ERAP1: variants seen among roughly 807,000 people sequenced by gnomAD.
The protein encoded by ERAP1 is endoplasmic reticulum aminopeptidase 1.
In ERAP1, 86 loss-of-function variants were observed where a neutral mutation model predicts 103.7. The observed-to-expected ratio is 0.83, with a 90% CI of 0.70 to 0.99. The LOEUF (loss-of-function observed/expected upper bound fraction) is 0.99. ERAP1 is among the 50% of genes least tolerant of loss of function. The pLI is 0.00. For synonymous variants in ERAP1, 398 were observed against 402.4 expected, an observed-to-expected ratio of 0.99 and a Z score of 0.13; for missense variants, 1,009 against 1,128.4, an observed-to-expected ratio of 0.89 and a Z score of 1.52.
upstream of ERAP1, among the ~76,000 whole-genome samples, chr5:96,809,452 C>A (rs1779015431): frequency 6.6e-6 from 1 of 152,144 alleles, no homozygotes. Flanking sequence ...TCTTTATTGG[C>A]CTTCTTCCCT....
chr5:96,878,098 C>T, the ERAP1 span, among the ~76,000 whole-genome samples: 1 of 151,984 alleles, frequency 6.6e-6, no homozygotes, highest in Non-Finnish European at 1.5e-5. Context: ...TGCTGTTTGT[C>T]CTAATTTTAT....
At chr5:96,930,061 C>T in the ERAP1 span, among the ~76,000 whole-genome samples, 1 of 152,212 alleles carries the variant, frequency 6.6e-6, no homozygotes, top group East Asian at 1.9e-4. Flanking sequence ...AATTCTCATT[C>T]ATGACAGGAT....
At chr5:96,860,072 T>A in the ERAP1 span, among the ~76,000 whole-genome samples, 3 of 152,200 alleles carry the variant, frequency 2.0e-5, no homozygotes, top group African/African-American at 7.2e-5. Context: ...TATTTATTTA[T>A]TTAATTTTTG....
chr5:96,862,291 A>C, the ERAP1 span, among the ~76,000 whole-genome samples: 1 of 152,206 alleles, frequency 6.6e-6, no homozygotes, highest in East Asian at 1.9e-4. Flanking sequence ...GCCCAGTCTA[A>C]ATCAATCTTT....
Position 96,783,856 on chromosome 5 carries a change from TAC to T in ERAP1, c.2100+66_2100+67del, listed in dbSNP as rs1311956389. 11 of 351,746 alleles carry T rather than the reference TAC, an allele frequency of 3.1e-5. 1 individual carries two copies. The highest frequency in any genetic ancestry group is 4.1e-5 in the Non-Finnish European group (11 of 270,136). The allele number at this position is 351,746 out of a possible 1,614,324, so 21.8% of individuals were successfully genotyped here. ...ACACACACACACACACACACACACATACACACACAATGATTAACACTTTTTAA... is the reference window on the plus strand; with the variant it reads ...ACACACACACACACACACACACACATACACACAATGATTAACACTTTTTAA... On this transcript the variant is annotated intron_variant, in intron 14 of 18. Coordinates refer to ENST00000443439, the MANE Select transcript of ERAP1 (RefSeq NM_001040458.3).
chr5:96,807,249 A>G (rs1038921769), intron 1 of ERAP1, among the ~76,000 whole-genome samples: 5 of 152,156 alleles, frequency 3.3e-5, no homozygotes, highest in African/African-American at 1.2e-4. Context: ...AGCGAAGGGG[A>G]GAGAGAGAAT....
chr5:96,841,033 G>A, the ERAP1 span, among the ~76,000 whole-genome samples: 1 of 152,052 alleles, frequency 6.6e-6, no homozygotes, highest in South Asian at 2.1e-4. Context: ...AATGTCCCAG[G>A]TGATTAAAAA....
rs10646647 is a variant in ERAP1, at chr5:96,798,871, C to CTTT, written c.664-1565_664-1563dup. Among the ~76,000 whole-genome samples, 452 of 124,850 alleles carry CTTT rather than the reference C, an allele frequency of 3.6e-3. 31 individuals are homozygous for CTTT. Among genetic ancestry groups the CTTT allele is most frequent in the Middle Eastern group, 8.5e-3 (2 of 234 alleles). The allele number at this position is 124,850 out of a possible 152,430, so 81.9% of individuals were successfully genotyped here. A position where few individuals can be genotyped will look rare whatever the true frequency, so the allele number is the denominator to read the frequency against. On this transcript the variant is annotated intron_variant, in intron 3 of 18. Coordinates refer to ENST00000443439, the MANE Select transcript of ERAP1 (RefSeq NM_001040458.3). ...TCTGCCTACCTACAACAAAAATTTC[C>CTTT]TTTTTTTTTTTTTTGAGATGGAGTC...
intron 10 of ERAP1, among the ~76,000 whole-genome samples, chr5:96,789,675 T>A (rs1776504445): frequency 6.6e-6 from 1 of 152,214 alleles, no homozygotes; most frequent in Admixed American, 6.5e-5. Flanking sequence ...CAAGTCCAGA[T>A]GAACAGAGAC....
chr5:96,771,312 A>G (rs573730597), downstream of ERAP1, among the ~76,000 whole-genome samples: 1 of 152,314 alleles, frequency 6.6e-6, no homozygotes, highest in African/African-American at 2.4e-5. Context: ...CTGGACAGCC[A>G]TGACCCTATG....
rs771283209 is a variant in ERAP1, at chr5:96,781,833, C to G, written c.2307G>C (p.Leu769Phe). The G allele has an allele frequency of 1.2e-5, 20 of 1,613,988 alleles. No individual in the cohort carries two copies. The East Asian group carries it at 3.8e-4, about 31-fold the overall frequency. The change falls in exon 16 of 19, where the codon TTG becomes TTC. Residue 769 changes from leucine to phenylalanine, a missense_variant. Around this residue, in one of 3 missense-constraint regions of ERAP1, gnomAD observed 611 missense variants for 651.7 expected, o/e 0.94. Coordinates refer to ENST00000443439, the MANE Select transcript of ERAP1 (RefSeq NM_001040458.3). The part of the protein sequence containing the change: ...GNLSLPVDVT[L>F]AVFAVGAQST... ...TCTGGGCCCCCACAGCAAACACTGCCAAGGTCACGTCGACAGGCAGGCTAT... is the reference window on the plus strand; with the variant it reads ...TCTGGGCCCCCACAGCAAACACTGCGAAGGTCACGTCGACAGGCAGGCTAT...
Position 96,781,681 on chromosome 5 carries a change from T to C in ERAP1, c.2447+12A>G. 6.2e-7 allele frequency: 1 copy of C among 1,614,052 alleles called. No homozygotes were observed. Among genetic ancestry groups the C allele is most frequent in the Non-Finnish European group, 8.5e-7 (1 of 1,179,986 alleles). ...CCTTGGCCACATGAACATGAATGAA[T>C]GACGGACTCACCATTGAAGCTTTTC... On this transcript the variant is annotated intron_variant, in intron 16 of 18. Transcript: ENST00000443439.
At chr5:96,878,800 T>C in the ERAP1 span, among the ~76,000 whole-genome samples, 2 of 151,984 alleles carry the variant, frequency 1.3e-5, no homozygotes, top group Non-Finnish European at 2.9e-5. Flanking sequence ...TGGTGGCACA[T>C]ACCTGTAATC....
chr5:96,851,932 A>C, the ERAP1 span, among the ~76,000 whole-genome samples: 1 of 152,206 alleles, frequency 6.6e-6, no homozygotes, highest in Non-Finnish European at 1.5e-5. Flanking sequence ...GACAGCACAG[A>C]ATAGACATGG....
chr5:96,823,728 T>A, the ERAP1 span, among the ~76,000 whole-genome samples: 1 of 152,238 alleles, frequency 6.6e-6, no homozygotes, highest in Non-Finnish European at 1.5e-5. Context: ...TTCACAGTTT[T>A]ATGGATAGAA....
chr5:96,921,602 A>G, the ERAP1 span, among the ~76,000 whole-genome samples: 1 of 152,176 alleles, frequency 6.6e-6, no homozygotes, highest in East Asian at 1.9e-4. Context: ...CCCAACCATA[A>G]ATTCAAGATC....
At position 96,794,809 on chromosome 5, in the gene ERAP1, C is replaced by A. The variant is rs537785730; in HGVS notation, c.919+233G>T. ...ATCAGAAGGCAAAAGAGTCCCCATG[C>A]CATATGCCTCAAGAACTCTATGAAG... On this transcript the variant is annotated intron_variant, in intron 5 of 18. Coordinates refer to ENST00000443439, the MANE Select transcript of ERAP1 (RefSeq NM_001040458.3). Among the ~76,000 whole-genome samples, 5 of 152,286 alleles carry A rather than the reference C, an allele frequency of 3.3e-5. No individual in the cohort carries two copies. In the South Asian group the frequency reaches 1.0e-3, roughly 32 times the overall value.
intron 18 of ERAP1, among the ~76,000 whole-genome samples, chr5:96,780,215 T>G (rs1774951293): frequency 6.6e-6 from 1 of 152,188 alleles, no homozygotes; most frequent in African/African-American, 2.4e-5. Context: ...AGCTAAGACC[T>G]CTTAACGTGT....
chr5:96,812,668 C>G (rs116792618), upstream of ERAP1, among the ~76,000 whole-genome samples: 2,492 of 152,178 alleles, frequency 0.016, 58 homozygotes, highest in African/African-American at 0.057. Context: ...CTTTTCAAAA[C>G]CTTAGTTTCT....
Sources: gnomAD v4.1 joint callset for allele counts (sites outside exome capture counted in the v4.1 genomes callset) on GRCh38, gnomAD v4.1.1 for gene constraint, gnomAD v4.1.1 regional missense constraint, MANE v1.5 for transcripts, NCBI Gene and HGNC (gene_info 2026-07-23, HGNC 2026-07-21) for gene names.